COL24A1: variants seen among roughly 807,000 people sequenced by gnomAD.
COL24A1 encodes the protein collagen type XXIV alpha 1 chain.
A neutral mutation model predicts 253.9 loss-of-function variants in COL24A1; 224 were observed. The ratio of observed to expected loss-of-function variants is 0.88; its 90% CI spans 0.79 to 0.99. COL24A1 has a LOEUF of 0.99. Among genes scored for constraint, COL24A1 ranks in the 50% least tolerant of loss-of-function variants. COL24A1 has a pLI of 0.00. For synonymous variants in COL24A1, 685 were observed against 673.7 expected (o/e 1.02, Z -0.26); for missense variants, 2,131 against 2,068.5 (o/e 1.03, Z -0.59).
At chr1:85,914,494 G>A (rs1485110821) in intron 24 of COL24A1, among the ~76,000 whole-genome samples, 2 of 151,126 alleles carry the variant, frequency 1.3e-5, no homozygotes, top group Admixed American at 6.6e-5. Context: ...GGCTTCAAGC[G>A]ATTCTCCTGC....
At chr1:86,002,473 G>T (rs779186167) in intron 19 of COL24A1, among the ~76,000 whole-genome samples, 1 of 152,126 alleles carries the variant, frequency 6.6e-6, no homozygotes, top group Non-Finnish European at 1.5e-5. Context: ...AATTAAAAAA[G>T]ATAATAAAAA....
At position 86,093,814 on chromosome 1, in the gene COL24A1, A is replaced by G. The variant is rs182540789; in HGVS notation, c.1600-1494T>C. On this transcript the variant is annotated intron_variant, in intron 5 of 59. Coordinates refer to ENST00000370571, the MANE Select transcript of COL24A1 (RefSeq NM_152890.7). ...CCAGAAAAATACAAACAACCCCATT[A>G]AAAAGTGTGCAAGGGATATGAAAAG... Among the ~76,000 whole-genome samples the G allele has an allele frequency of 1.3e-4, 20 of 152,294 alleles. 1 individual carries two copies. The highest frequency in any genetic ancestry group is 1.1e-3 in the Admixed American group (17 of 15,290).
intron 5 of COL24A1, among the ~76,000 whole-genome samples, chr1:86,102,474 A>T (rs773751797): frequency 1.4e-4 from 22 of 152,020 alleles, no homozygotes; most frequent in Non-Finnish European, 2.8e-4. Flanking sequence ...TAGTTGTGAT[A>T]TTAGGTTGTT....
At chr1:86,051,568 G>C (rs973916658) in intron 10 of COL24A1, among the ~76,000 whole-genome samples, 1 of 152,048 alleles carries the variant, frequency 6.6e-6, no homozygotes, top group Non-Finnish European at 1.5e-5. Context: ...TGGGCAAGAG[G>C]TGAGTTTGGA....
At chr1:85,827,135 A>T (rs972657332) in intron 43 of COL24A1, among the ~76,000 whole-genome samples, 5 of 152,142 alleles carry the variant, frequency 3.3e-5, no homozygotes, top group African/African-American at 9.7e-5. Flanking sequence ...TTTAGCATGA[A>T]GGGCTGTTGA....
intron 19 of COL24A1, among the ~76,000 whole-genome samples, chr1:85,990,165 G>A (rs756992918): frequency 4.0e-5 from 6 of 151,258 alleles, no homozygotes; most frequent in South Asian, 2.1e-4. Context: ...TACATGTTTC[G>A]TGGCTTGTTG....
intron 24 of COL24A1, among the ~76,000 whole-genome samples, chr1:85,937,454 C>T (rs954536804): frequency 4.1e-5 from 6 of 147,488 alleles, no homozygotes; most frequent in South Asian, 4.8e-4. Flanking sequence ...GGAGTAGGCA[C>T]GAAGTGTGAA....
chr1:86,025,650 C>T (rs112043150), intron 14 of COL24A1, among the ~76,000 whole-genome samples: 2,477 of 152,238 alleles, frequency 0.016, 74 homozygotes, highest in African/African-American at 0.055. Context: ...GCTGCTGCTC[C>T]GGGCAAGCAG....
chr1:86,107,812 T>C (rs1039431143), intron 5 of COL24A1, among the ~76,000 whole-genome samples: 4 of 152,288 alleles, frequency 2.6e-5, no homozygotes, highest in Admixed American at 1.3e-4. Context: ...TAATTTTTAA[T>C]ACTTGTCACA....
chr1:85,898,256 A>G (rs1683949223), intron 28 of COL24A1, among the ~76,000 whole-genome samples: 1 of 152,186 alleles, frequency 6.6e-6, no homozygotes, highest in African/African-American at 2.4e-5. Context: ...TAGGCTTCAG[A>G]ATCTTCTCTT....
Position 85,761,579 on chromosome 1 carries a change from G to T in COL24A1, c.4375-13C>A. On this transcript the variant is annotated splice_polypyrimidine_tract_variant and intron_variant, in intron 53 of 59. Coordinates refer to ENST00000370571, the MANE Select transcript of COL24A1 (RefSeq NM_152890.7). ...GTCCTTGAGGACCCTGGAAGAAATG[G>T]AGACAAACACAAGACCTATATATTA... The T allele has an allele frequency of 6.2e-7, 1 of 1,613,984 alleles. No individual in the cohort carries two copies. Among genetic ancestry groups the T allele is most frequent in the Non-Finnish European group, 8.5e-7 (1 of 1,179,876 alleles).
At chr1:85,870,810 A>G (rs775448102) in intron 35 of COL24A1, among the ~76,000 whole-genome samples, 1 of 152,204 alleles carries the variant, frequency 6.6e-6, no homozygotes, top group Non-Finnish European at 1.5e-5. Context: ...GAGCAAACAC[A>G]TTCAAAAGCA....
At chr1:86,077,962 T>A (rs1362355745) in intron 7 of COL24A1, among the ~76,000 whole-genome samples, 1 of 151,924 alleles carries the variant, frequency 6.6e-6, no homozygotes, top group Non-Finnish European at 1.5e-5. Flanking sequence ...TGCACATGTA[T>A]CACAGAACTT....
At chr1:85,804,548 G>C (rs1284275975) in intron 47 of COL24A1, among the ~76,000 whole-genome samples, 2 of 152,148 alleles carry the variant, frequency 1.3e-5, no homozygotes, top group Non-Finnish European at 2.9e-5. Context: ...CACATGGCTG[G>C]GGAGGCCTCA....
chr1:85,895,860 G>C lies in COL24A1; in HGVS notation c.2920C>G (p.Pro974Ala). 6.2e-7 allele frequency: 1 copy of C among 1,605,562 alleles called. No homozygotes were observed. The highest frequency in any genetic ancestry group is 8.5e-7 in the Non-Finnish European group (1 of 1,177,190). Residue 974 changes from proline to alanine, a missense_variant and splice_region_variant, in exon 31 of 60, where the codon CCA becomes GCA. Coordinates refer to ENST00000370571, the MANE Select transcript of COL24A1 (RefSeq NM_152890.7). Reference protein sequence around the residue: ...NPGERGFQGKPGLQGLPGSTG... With the variant: ...NPGERGFQGKAGLQGLPGSTG... ...GCATGATTTTTTAAATTACTTACTG[G>C]TTTCCCTTGAAATCCTCTTTCTCCA... is the stretch of plus-strand genomic sequence containing the variant.
intron 24 of COL24A1, among the ~76,000 whole-genome samples, chr1:85,954,777 C>T (rs144015921): frequency 7.9e-5 from 12 of 151,980 alleles, no homozygotes; most frequent in Admixed American, 1.3e-4. Flanking sequence ...TTTATAGATA[C>T]GAGTAGCCTA....
intron 55 of COL24A1, among the ~76,000 whole-genome samples, chr1:85,748,000 G>A (rs1363689249): frequency 2.0e-5 from 3 of 152,134 alleles, no homozygotes; most frequent in African/African-American, 4.8e-5. Flanking sequence ...ATTCCTTAAT[G>A]TCAAAAATTA....
chr1:86,057,912 G>C lies in COL24A1; in HGVS notation c.1851+19C>G, dbSNP rs751155787. The stretch of plus-strand genomic sequence containing the variant: ...TTTAGGCAAGCATGCTTAACAGAAT[G>C]ATGGAAATGCCTACTTACTTGTGCA... On this transcript the variant is annotated intron_variant, in intron 10 of 59. Coordinates refer to ENST00000370571, the MANE Select transcript of COL24A1 (RefSeq NM_152890.7). 6.2e-7 allele frequency: 1 copy of C among 1,610,034 alleles called. No homozygotes were observed. The highest frequency in any genetic ancestry group is 8.5e-7 in the Non-Finnish European group (1 of 1,177,536).
intron 43 of COL24A1, among the ~76,000 whole-genome samples, chr1:85,833,252 T>A (rs1045522588): frequency 1.1e-4 from 16 of 152,092 alleles, no homozygotes; most frequent in African/African-American, 7.2e-5. Context: ...GAATCTACAA[T>A]GAACTCAAGC....
Sources: allele counts gnomAD v4.1 joint callset (sites outside exome capture counted in the v4.1 genomes callset), GRCh38; gene constraint gnomAD v4.1.1; transcripts MANE v1.5; gene names NCBI Gene and HGNC (gene_info 2026-07-23, HGNC 2026-07-21).